TANC1: variants seen among roughly 807,000 people sequenced by gnomAD.
TANC1 encodes the protein protein TANC1.
A neutral mutation model predicts 149.7 loss-of-function variants in TANC1; 77 were observed. That is an observed-to-expected ratio of 0.51 (90% CI 0.43 to 0.62). The LOEUF is 0.62. Among genes scored for constraint, TANC1 ranks in the 20% least tolerant of loss-of-function variants. The probability of loss-of-function intolerance (pLI) is 0.00; values close to 1 mark genes in which losing one functional copy is unlikely to be tolerated. For missense variants in TANC1, 1,985 were observed against 2,321.8 expected, an observed-to-expected ratio of 0.85 and a Z score of 2.98; for synonymous variants, 854 against 925.0, an observed-to-expected ratio of 0.92 and a Z score of 1.39.
chr2:159,040,988 G>A (rs1035792724), intron 2 of TANC1, among the ~76,000 whole-genome samples: 2 of 152,146 alleles, frequency 1.3e-5, no homozygotes, highest in Non-Finnish European at 2.9e-5. Context: ...ATTCCTTTCT[G>A]TTTTTTAGTT....
intron 1 of TANC1, among the ~76,000 whole-genome samples, chr2:158,970,854 A>G (rs1004413290): frequency 2.1e-4 from 32 of 152,298 alleles, no homozygotes; most frequent in African/African-American, 7.0e-4. Context: ...GTGGTGCCCC[A>G]AACTTAACTT....
At chr2:159,062,122 C>T (rs1469670810) in intron 2 of TANC1, among the ~76,000 whole-genome samples, 1 of 152,108 alleles carries the variant, frequency 6.6e-6, no homozygotes, top group Admixed American at 6.5e-5. Context: ...CCTGTAATCA[C>T]AGCTACTCAG....
At chr2:158,981,503 A>C in intron 1 of TANC1, among the ~76,000 whole-genome samples, 1 of 55,344 alleles carries the variant, frequency 1.8e-5, no homozygotes, top group Non-Finnish European at 3.7e-5. Context: ...ATATATATAT[A>C]TATATATATA....
chr2:159,229,868 C>T lies in TANC1; in HGVS notation c.4442C>T (p.Ser1481Leu), dbSNP rs754082167. The change falls in exon 27 of 27, where the codon TCA becomes TTA. Residue 1481 changes from serine (S) to leucine (L), a missense_variant. By Grantham distance (145) the Ser-to-Leu change is moderately radical (BLOSUM62 -2). Coordinates refer to ENST00000263635, the MANE Select transcript of TANC1 (RefSeq NM_033394.3). The stretch of plus-strand genomic sequence containing the variant: ...CCAACTCCCAGGTCCCAGCCATCCT[C>T]ATCTGTCCCTTCCTCATACATCCGA... ...VSPTPRSQPS[S>L]SVPSSYIRNL... The T allele has an allele frequency of 6.2e-7, 1 of 1,614,166 alleles. No individual in the cohort carries two copies. The highest frequency in any genetic ancestry group is 1.1e-5 in the South Asian group (1 of 91,080).
At chr2:159,149,582 T>G (rs895016663) in intron 6 of TANC1, 8 of 331,586 alleles carry the variant, frequency 2.4e-5, no homozygotes. Context: ...CTTTTACCTT[T>G]ATAGCACCGT....
intron 4 of TANC1, among the ~76,000 whole-genome samples, chr2:159,130,169 T>C (rs886353223): frequency 1.3e-5 from 2 of 152,182 alleles, no homozygotes; most frequent in Non-Finnish European, 2.9e-5. Flanking sequence ...CATGTTTTTA[T>C]CCACAGACAA....
chr2:159,081,489 G>A (rs1473600017), intron 3 of TANC1, among the ~76,000 whole-genome samples: 9 of 151,992 alleles, frequency 5.9e-5, no homozygotes, highest in East Asian at 1.9e-4. Context: ...CCCTCTGGCC[G>A]AAGATGGGGT....
chr2:159,167,296 A>T lies in TANC1; in HGVS notation c.947-1954A>T, dbSNP rs1046946313. ...TTGGTGGGTGCATTCACCATGAGGC[A>T]TGTGAGGAGAAGGGTCTCAGTGCTC... On this transcript the variant is annotated intron_variant, in intron 8 of 26. Transcript: ENST00000263635. Among the ~76,000 whole-genome samples the T allele has an allele frequency of 5.9e-5, 9 of 152,324 alleles. No individual in the cohort carries two copies. The East Asian group carries it at 1.5e-3, about 26-fold the overall frequency.
chr2:159,163,294 A>T lies in TANC1; in HGVS notation c.694A>T (p.Ser232Cys), dbSNP rs1294579415. 6.2e-7 allele frequency: 1 copy of T among 1,613,022 alleles called. No homozygotes were observed. The highest frequency in any genetic ancestry group is 8.5e-7 in the Non-Finnish European group (1 of 1,179,390). Residue 232 changes from serine to cysteine, a missense_variant, in exon 8 of 27, where the codon AGT (serine) becomes TGT (cysteine). Around this residue, in one of 3 missense-constraint regions of TANC1, gnomAD observed 557 missense variants for 612.9 expected, o/e 0.91. Coordinates refer to ENST00000263635, the MANE Select transcript of TANC1 (RefSeq NM_033394.3). Reference protein sequence around the residue: ...KDSGIIATITSSSENDDRSGS... With the variant: ...KDSGIIATITCSSENDDRSGS... ...GTCTTTCATTTCAGCCACAATTACA[A>T]GTTCATCCGAAAATGATGACCGGAG...
chr2:159,070,958 A>G (rs1376213186), intron 3 of TANC1, among the ~76,000 whole-genome samples: 1 of 152,116 alleles, frequency 6.6e-6, no homozygotes, highest in Non-Finnish European at 1.5e-5. Context: ...TTGATCTAAC[A>G]TCTATGATGT....
At chr2:158,984,249 C>G (rs912074455) in intron 1 of TANC1, among the ~76,000 whole-genome samples, 1 of 152,146 alleles carries the variant, frequency 6.6e-6, no homozygotes, top group African/African-American at 2.4e-5. Flanking sequence ...CTCTACATAC[C>G]AAAAGTTAAG....
chr2:159,157,371 T>C (rs1420192999), intron 7 of TANC1, among the ~76,000 whole-genome samples: 1 of 152,192 alleles, frequency 6.6e-6, no homozygotes, highest in African/African-American at 2.4e-5. Flanking sequence ...AGTCTGGCAA[T>C]TCTGGCCAGA....
At position 159,149,143 on chromosome 2, in the gene TANC1, A is replaced by T; in HGVS notation, c.366A>T (p.Glu122Asp). The T allele has an allele frequency of 6.3e-7, 1 of 1,583,190 alleles. No individual in the cohort carries two copies. Among genetic ancestry groups the T allele is most frequent in the South Asian group, 1.2e-5 (1 of 85,924 alleles). The stretch of plus-strand genomic sequence containing the variant: ...CATTGTTTTCTTTCTTTGTTCCAGA[A>T]GCAAAGGCCGATAATGAACCGAGCT... The part of the protein sequence containing the change: ...VAKPTEPDEH[E>D]AKADNEPSCS... The change falls in exon 6 of 27, where the codon GAA becomes GAT. Residue 122 changes from glutamate (E) to aspartate (D), a missense_variant and splice_region_variant. Physicochemically the swap from Glu to Asp is conservative, Grantham distance 45. Around this residue, in one of 3 missense-constraint regions of TANC1, gnomAD observed 557 missense variants for 612.9 expected, o/e 0.91. Coordinates refer to ENST00000263635, the MANE Select transcript of TANC1 (RefSeq NM_033394.3).
At chr2:159,013,525 G>A (rs2037972609) in intron 2 of TANC1, among the ~76,000 whole-genome samples, 1 of 152,160 alleles carries the variant, frequency 6.6e-6, no homozygotes, top group Non-Finnish European at 1.5e-5. Context: ...ATTTCACAAT[G>A]CATTATGAGT....
chr2:159,010,650 A>T lies in TANC1; in HGVS notation c.-16+9461A>T, dbSNP rs575151924. Among the ~76,000 whole-genome samples the T allele has an allele frequency of 1.3e-4, 19 of 141,332 alleles. 1 individual carries two copies. Among genetic ancestry groups the T allele is most frequent in the South Asian group, 1.3e-3 (5 of 3,962 alleles). The allele number at this position is 141,332 out of a possible 152,430, so 92.7% of individuals were successfully genotyped here. A position where few individuals can be genotyped will look rare whatever the true frequency, so the allele number is the denominator to read the frequency against. On this transcript the variant is annotated intron_variant, in intron 2 of 26. Transcript: ENST00000263635. ...CTAGTTTACAGATTCTAATCTGCCA[A>T]ATCCTATTTCAAGGATGTGGACGGA...
intron 14 of TANC1, among the ~76,000 whole-genome samples, chr2:159,182,147 T>G (rs2150570182): frequency 6.6e-6 from 1 of 152,068 alleles, no homozygotes; most frequent in African/African-American, 2.4e-5. Flanking sequence ...AGGCGAAGGT[T>G]GCAGTGAGTC....
At chr2:159,106,153 ATTTAAAG>A (rs2047160513) in intron 4 of TANC1, among the ~76,000 whole-genome samples, 1 of 152,190 alleles carries the variant, frequency 6.6e-6, no homozygotes, top group Non-Finnish European at 1.5e-5. Flanking sequence ...TAATTCACCC[ATTTAAAG>A]TTTACAGTTC....
chr2:158,988,446 G>A (rs531460507), intron 1 of TANC1, among the ~76,000 whole-genome samples: 1 of 152,194 alleles, frequency 6.6e-6, no homozygotes, highest in East Asian at 1.9e-4. Context: ...CAAGATTTGG[G>A]TTCATTAACT....
intron 12 of TANC1, 42 bp from the exon 13 acceptor site, chr2:159,176,310 A>G (rs1380861576): frequency 8.2e-7 from 1 of 1,214,998 alleles, no homozygotes; most frequent in Non-Finnish European, 1.1e-6. Context: ...TCTTAGAGAA[A>G]TGTATAATTT....
Sources: allele counts gnomAD v4.1 joint callset (sites outside exome capture counted in the v4.1 genomes callset), GRCh38; gene constraint gnomAD v4.1.1; regional missense constraint gnomAD v4.1.1; transcripts MANE v1.5; gene names NCBI Gene and HGNC (gene_info 2026-07-23, HGNC 2026-07-21).